ABCB1: variants seen among roughly 807,000 people sequenced by gnomAD.
ABCB1 encodes the protein ATP binding cassette subfamily B member 1, also known as ATP-dependent translocase ABCB1.
In ABCB1, 69 loss-of-function variants were observed where a neutral mutation model predicts 142.0. The observed-to-expected ratio is 0.49, with a 90% CI of 0.40 to 0.59. The LOEUF is 0.59. ABCB1 is among the 20% of genes least tolerant of loss of function. The pLI is 0.00. For missense variants in ABCB1, 1,326 were observed against 1,554.7 expected (o/e 0.85, Z 2.47); for synonymous variants, 532 against 539.2 (o/e 0.99, Z 0.18).
chr7:87,518,539 T>G (rs945708317), intron 23 of ABCB1, among the ~76,000 whole-genome samples: 7 of 152,308 alleles, frequency 4.6e-5, no homozygotes, highest in African/African-American at 1.7e-4. Flanking sequence ...CTGAGCAAAC[T>G]GTAATGCATG....
chr7:87,674,593 G>A (rs886519382), intron 1 of ABCB1, among the ~76,000 whole-genome samples: 16 of 152,128 alleles, frequency 1.1e-4, no homozygotes, highest in African/African-American at 2.9e-4. Flanking sequence ...CAGTAAAGTA[G>A]GTGAGGCAAG....
intron 19 of ABCB1, among the ~76,000 whole-genome samples, chr7:87,538,442 G>A (rs917910226): frequency 6.6e-6 from 1 of 152,180 alleles, no homozygotes; most frequent in Non-Finnish European, 1.5e-5. Context: ...ACCAGAGACA[G>A]CTGGTAAAAT....
chr7:87,522,134 A>G (rs902153334), intron 21 of ABCB1: 53 of 1,398,712 alleles, frequency 3.8e-5, no homozygotes, highest in Admixed American at 1.3e-4. Context: ...TTCAGTGGTC[A>G]TTGTGGCTTT....
intron 3 of ABCB1, among the ~76,000 whole-genome samples, chr7:87,587,791 T>G (rs1349324083): frequency 6.8e-6 from 1 of 147,298 alleles, no homozygotes; most frequent in Non-Finnish European, 1.5e-5. Context: ...AGGAGAATGG[T>G]GTGAACCTGG....
At chr7:87,635,619 A>AT (rs1350810978) in intron 1 of ABCB1, among the ~76,000 whole-genome samples, 4 of 152,148 alleles carry the variant, frequency 2.6e-5, no homozygotes, top group African/African-American at 9.7e-5. Flanking sequence ...TTTAATATAA[A>AT]TTTTTATTGA....
chr7:87,505,126 G>A (rs1814676375), intron 27 of ABCB1, among the ~76,000 whole-genome samples: 1 of 152,002 alleles, frequency 6.6e-6, no homozygotes, highest in African/African-American at 2.4e-5. Flanking sequence ...ACCATGCCTA[G>A]CTAATTATTT....
intron 1 of ABCB1, among the ~76,000 whole-genome samples, chr7:87,701,893 C>T (rs1309559021): frequency 6.6e-6 from 1 of 151,996 alleles, no homozygotes; most frequent in Non-Finnish European, 1.5e-5. Flanking sequence ...CCTGTAATCC[C>T]AGCACTTTGG....
At chr7:87,511,092 T>C (rs1344701352) in intron 25 of ABCB1, among the ~76,000 whole-genome samples, 1 of 152,196 alleles carries the variant, frequency 6.6e-6, no homozygotes, top group East Asian at 1.9e-4. Flanking sequence ...AGTTTCTTCA[T>C]TACACTGAAT....
In ABCB1 at chr7:87,505,925, G is replaced by A. The variant is rs770620028; in HGVS notation, c.3608C>T (p.Thr1203Met). ...QPHILLLDEA[T>M]SALDTESEKV... ...TTCACTTTCTGTATCCAGAGCTGACGTGGCTTCATCCAAAAGCAAAATATG... is the reference window on the plus strand; with the variant it reads ...TTCACTTTCTGTATCCAGAGCTGACATGGCTTCATCCAAAAGCAAAATATG... Residue 1203 changes from threonine to methionine, a missense_variant, in exon 27 of 28, where the codon ACG becomes ATG. Coordinates refer to ENST00000622132, the MANE Select transcript of ABCB1 (RefSeq NM_001348946.2). The A allele has an allele frequency of 1.5e-5, 25 of 1,614,130 alleles. No individual in the cohort carries two copies. The highest frequency in any genetic ancestry group is 3.3e-4 in the Middle Eastern group (2 of 6,062).
chr7:87,604,841 C>G (rs1469267381), upstream of ABCB1, among the ~76,000 whole-genome samples: 1 of 152,188 alleles, frequency 6.6e-6, no homozygotes. Context: ...TTGAACACTT[C>G]CCCATCTACT....
intron 6 of ABCB1, 21 bp from the exon 7 acceptor site, chr7:87,566,262 A>C (rs749893779): frequency 1.9e-6 from 3 of 1,611,626 alleles, no homozygotes; most frequent in Admixed American, 1.7e-5. Context: ...AGATAGTGTT[A>C]GAAATAATTG....
At chr7:87,546,714 C>G (rs978861448) in intron 14 of ABCB1, among the ~76,000 whole-genome samples, 1 of 152,108 alleles carries the variant, frequency 6.6e-6, no homozygotes, top group Non-Finnish European at 1.5e-5. Flanking sequence ...ATTATAATAT[C>G]CTATCCCGCA....
intron 21 of ABCB1, among the ~76,000 whole-genome samples, chr7:87,528,797 G>A (rs1006393848): frequency 6.6e-6 from 1 of 152,188 alleles, no homozygotes; most frequent in Non-Finnish European, 1.5e-5. Flanking sequence ...ATTAATTCAG[G>A]TGTCAGGAAT....
At chr7:87,609,913 A>G (rs1819790157) in intron 1 of ABCB1, among the ~76,000 whole-genome samples, 1 of 152,196 alleles carries the variant, frequency 6.6e-6, no homozygotes, top group Non-Finnish European at 1.5e-5. Flanking sequence ...GTAATTAATA[A>G]TAAAAATGTA....
intron 4 of ABCB1, among the ~76,000 whole-genome samples, chr7:87,579,367 T>A (rs1193038553): frequency 6.6e-6 from 1 of 152,210 alleles, no homozygotes; most frequent in African/African-American, 2.4e-5. Context: ...TCTGTTTATG[T>A]GGCTTTTATT....
chr7:87,598,248 G>T (rs1458904872), intron 2 of ABCB1, among the ~76,000 whole-genome samples: 1 of 152,042 alleles, frequency 6.6e-6, no homozygotes, highest in Non-Finnish European at 1.5e-5. Context: ...GTTGCTACTA[G>T]AAAATTTTAA....
At chr7:87,600,336 GCA>G in intron 1 of ABCB1, 146 bp from the exon 2 acceptor site, 1 of 715,006 alleles carries the variant, frequency 1.4e-6, no homozygotes, top group Non-Finnish European at 2.5e-6. Flanking sequence ...GCCGCGATGG[GCA>G]CTGCAGGGGC....
At chr7:87,557,845 A>G (rs1817369451) in intron 8 of ABCB1, among the ~76,000 whole-genome samples, 1 of 152,166 alleles carries the variant, frequency 6.6e-6, no homozygotes, top group Non-Finnish European at 1.5e-5. Context: ...ATGTCCTTAA[A>G]AATATTGTCA....
At position 87,512,381 on chromosome 7, in the gene ABCB1, C is replaced by T. The variant is rs1342802256; in HGVS notation, c.3282+2850G>A. Among the ~76,000 whole-genome samples, 6 of 152,052 alleles carry T rather than the reference C, an allele frequency of 3.9e-5. No individual in the cohort carries two copies. In the East Asian group the frequency reaches 1.2e-3, roughly 29 times the overall value. On this transcript the variant is annotated intron_variant, in intron 25 of 27. Transcript: ENST00000622132. Reference sequence around the variant, plus strand: ...ATGATGGTTGGCATCAGAATCACCTCGGAATATTATAAAAATAAAAGGCCA... The same window carrying T: ...ATGATGGTTGGCATCAGAATCACCTTGGAATATTATAAAAATAAAAGGCCA...
Sources: allele counts gnomAD v4.1 joint callset (sites outside exome capture counted in the v4.1 genomes callset), GRCh38; gene constraint gnomAD v4.1.1; transcripts MANE v1.5; gene names NCBI Gene and HGNC (gene_info 2026-07-23, HGNC 2026-07-21).